Variants in BABAM2 observed in about 807,000 individuals in gnomAD.
BABAM2 encodes the protein BRISC and BRCA1 A complex member 2, also known as BRISC and BRCA1-A complex member 2.
BABAM2 carries 31 observed loss-of-function variants against 54.7 expected under a neutral mutation model. That is an observed-to-expected ratio of 0.57 (90% CI 0.43 to 0.77). The LOEUF is 0.77. BABAM2 is among the 30% of genes least tolerant of loss of function. The pLI, the probability that BABAM2 is intolerant of heterozygous loss-of-function variation, is 0.00. For synonymous variants in BABAM2, 167 were observed against 162.9 expected, an observed-to-expected ratio of 1.03 and a Z score of -0.19; for missense variants, 364 against 455.8, an observed-to-expected ratio of 0.80 and a Z score of 1.83.
At chr2:28,140,178 C>G (rs904867398) in intron 7 of BABAM2, among the ~76,000 whole-genome samples, 4 of 152,124 alleles carry the variant, frequency 2.6e-5, no homozygotes, top group African/African-American at 9.7e-5. Context: ...AGTCTGAACT[C>G]TAAGTCTCTA....
chr2:28,286,283 G>A (rs1341650070), intron 10 of BABAM2, among the ~76,000 whole-genome samples: 1 of 152,098 alleles, frequency 6.6e-6, no homozygotes, highest in Non-Finnish European at 1.5e-5. Flanking sequence ...ACTTTCCAAA[G>A]CATTCTCCAT....
intron 11 of BABAM2, among the ~76,000 whole-genome samples, chr2:28,323,420 T>G (rs1690194345): frequency 6.6e-6 from 1 of 152,166 alleles, no homozygotes; most frequent in African/African-American, 2.4e-5. Context: ...TTTGTTACAT[T>G]ACTGCTTCCA....
intron 10 of BABAM2, among the ~76,000 whole-genome samples, chr2:28,296,109 T>C (rs1687674876): frequency 6.6e-6 from 1 of 151,994 alleles, no homozygotes; most frequent in Non-Finnish European, 1.5e-5. Flanking sequence ...CGAGACCCTG[T>C]CTCAAAAATA....
intron 10 of BABAM2, among the ~76,000 whole-genome samples, chr2:28,267,049 G>A (rs1685042409): frequency 6.6e-6 from 1 of 152,120 alleles, no homozygotes; most frequent in African/African-American, 2.4e-5. Flanking sequence ...CCAGCTACGT[G>A]GGAGGCTAAG....
intron 11 of BABAM2, chr2:28,308,161 A>G (rs1336989155): frequency 6.2e-6 from 2 of 323,884 alleles, no homozygotes; most frequent in Non-Finnish European, 1.2e-5. Context: ...TTTTCACATT[A>G]TGGCACCAAA....
intron 4 of BABAM2, among the ~76,000 whole-genome samples, chr2:27,997,295 T>A (rs1302034908): frequency 6.6e-6 from 1 of 152,178 alleles, no homozygotes; most frequent in Non-Finnish European, 1.5e-5. Flanking sequence ...CATCAGTAAA[T>A]GACCCAAGAG....
At chr2:27,906,673 C>T (rs72854427) in intron 2 of BABAM2, among the ~76,000 whole-genome samples, 8,226 of 152,080 alleles carry the variant, frequency 0.054, 628 homozygotes, top group African/African-American at 0.17. Context: ...AATGACTTCA[C>T]TTTAGGGTGA....
chr2:28,284,752 G>T (rs1686653152), intron 10 of BABAM2, among the ~76,000 whole-genome samples: 2 of 152,148 alleles, frequency 1.3e-5, no homozygotes, highest in African/African-American at 4.8e-5. Flanking sequence ...TTTGAAAGTT[G>T]TTTTGAAAGC....
intron 7 of BABAM2, among the ~76,000 whole-genome samples, chr2:28,143,758 C>T (rs752040955): frequency 5.9e-5 from 9 of 152,154 alleles, no homozygotes; most frequent in African/African-American, 1.2e-4. Flanking sequence ...ATGTGTTAAG[C>T]GCTCTATACC....
In BABAM2 at chr2:28,260,941, C is replaced by CTT. The variant is rs34766123; in HGVS notation, c.934+16096_934+16097dup. ...GTTTTCAAAATTTTTCATTTTCTTT[C>CTT]TTTTTTTTTTTTTTTTTTGAGATGA... On this transcript the variant is annotated intron_variant, in intron 10 of 11. Transcript: ENST00000379624. 6.7e-4 allele frequency among the ~76,000 whole-genome samples: 74 copies of CTT among 110,780 alleles called. 1 individual carries two copies. The highest frequency in any genetic ancestry group is 1.4e-3 in the African/African-American group (45 of 31,988). The allele number at this position is 110,780 out of a possible 152,430, so 72.7% of individuals were successfully genotyped here. A position where few individuals can be genotyped will look rare whatever the true frequency, so the allele number is the denominator to read the frequency against.
At chr2:28,083,069 C>A (rs1254481382) in intron 6 of BABAM2, among the ~76,000 whole-genome samples, 1 of 152,186 alleles carries the variant, frequency 6.6e-6, no homozygotes, top group East Asian at 1.9e-4. Flanking sequence ...CATCCTTCTT[C>A]AGCCTGTTAG....
At chr2:28,020,591 T>G (rs1675172036) in intron 4 of BABAM2, among the ~76,000 whole-genome samples, 1 of 152,168 alleles carries the variant, frequency 6.6e-6, no homozygotes, top group Non-Finnish European at 1.5e-5. Flanking sequence ...AATGTATATA[T>G]AGATTTATAT....
chr2:27,990,185 A>G (rs1672680911), intron 4 of BABAM2, among the ~76,000 whole-genome samples: 1 of 152,168 alleles, frequency 6.6e-6, no homozygotes, highest in Non-Finnish European at 1.5e-5. Context: ...CGGGCTGAGC[A>G]AGCCCAGATA....
At chr2:28,208,745 A>G (rs1314346799) in intron 7 of BABAM2, among the ~76,000 whole-genome samples, 2 of 152,018 alleles carry the variant, frequency 1.3e-5, no homozygotes, top group East Asian at 3.9e-4. Flanking sequence ...CTAGCTTGCT[A>G]ACAGTTGTGG....
At chr2:27,933,770 T>TA (rs1668280288) in intron 3 of BABAM2, among the ~76,000 whole-genome samples, 2 of 147,988 alleles carry the variant, frequency 1.4e-5, no homozygotes, top group African/African-American at 5.0e-5. Flanking sequence ...GCTTGTTTTT[T>TA]TTTTTTTTTT....
chr2:28,180,861 C>T (rs1675551221), intron 7 of BABAM2, among the ~76,000 whole-genome samples: 1 of 152,094 alleles, frequency 6.6e-6, no homozygotes. Context: ...ACAAAAAATG[C>T]TCAATGTTAC....
chr2:28,068,577 G>A (rs1573513743), intron 6 of BABAM2, among the ~76,000 whole-genome samples: 1 of 152,118 alleles, frequency 6.6e-6, no homozygotes, highest in East Asian at 1.9e-4. Context: ...AACACAAAAT[G>A]TTTTAAATAT....
At chr2:28,090,258 T>C (rs1359957712) in intron 6 of BABAM2, among the ~76,000 whole-genome samples, 3 of 152,168 alleles carry the variant, frequency 2.0e-5, no homozygotes, top group Non-Finnish European at 4.4e-5. Flanking sequence ...CTCTCTCTCT[T>C]TTTTTGAGAT....
rs141979749 is a variant in BABAM2 at position 27,980,619 on chromosome 2, T to C, written c.206-7374T>C. ...CCTGAGAAATTCTGGAACATAACTA[T>C]GTGAGATTCTGAAAGCTATTTTAAG... On this transcript the variant is annotated intron_variant, in intron 3 of 11. Coordinates refer to ENST00000379624, the MANE Select transcript of BABAM2 (RefSeq NM_199191.3). 2.2e-3 allele frequency among the ~76,000 whole-genome samples: 341 copies of C among 152,312 alleles called. 5 individuals carry two copies. The highest frequency in any genetic ancestry group is 7.4e-3 in the African/African-American group (309 of 41,574).
Sources: allele counts gnomAD v4.1 joint callset (sites outside exome capture counted in the v4.1 genomes callset), GRCh38; gene constraint gnomAD v4.1.1; transcripts MANE v1.5; gene names NCBI Gene and HGNC (gene_info 2026-07-23, HGNC 2026-07-21).